Variants in RAP1A observed in about 807,000 individuals in gnomAD.
The protein encoded by RAP1A is RAP1A, member of RAS oncogene family, also known as ras-related protein Rap-1A.
Under a neutral mutation model 26.4 loss-of-function variants are expected in RAP1A, and 6 were observed. That is an observed-to-expected ratio of 0.23 (90% CI 0.12 to 0.45). The LOEUF (loss-of-function observed/expected upper bound fraction) is 0.45, where lower values mean the gene tolerates loss of function less well. Ranked by LOEUF, RAP1A falls within the 20% of genes least tolerant of loss-of-function variation. The pLI, the probability that RAP1A is intolerant of heterozygous loss-of-function variation, is 0.99. For missense variants in RAP1A, 121 were observed against 217.2 expected (o/e 0.56, Z 2.78); for synonymous variants, 73 against 79.4 (o/e 0.92, Z 0.43).
rs151281654 is a variant in RAP1A, at chr1:111,681,632, G to A, written c.-27-9702G>A. Among the ~76,000 whole-genome samples, 38 of 152,238 alleles carry A rather than the reference G, an allele frequency of 2.5e-4. 1 individual carries two copies. In the South Asian group the frequency reaches 5.6e-3, roughly 22 times the overall value. ...GAAGATCAACTTAATGAATTAAAGC[G>A]TGAAGACAAGATTAGAGAAAATAGA... On this transcript the variant is annotated intron_variant, in intron 1 of 7. Transcript: ENST00000369709.
At chr1:111,708,275 A>G (rs918138908) in intron 6 of RAP1A, among the ~76,000 whole-genome samples, 10 of 152,266 alleles carry the variant, frequency 6.6e-5, no homozygotes, top group Non-Finnish European at 1.2e-4. Context: ...TTAACATCAA[A>G]AAAAGGCAAA....
intron 1 of RAP1A, among the ~76,000 whole-genome samples, chr1:111,560,317 G>A (rs941497131): frequency 1.4e-4 from 22 of 151,986 alleles, no homozygotes; most frequent in African/African-American, 4.8e-4. Flanking sequence ...AGTGAGGGCA[G>A]AGGTAGATGG....
At chr1:111,669,850 G>A in intron 1 of RAP1A, among the ~76,000 whole-genome samples, 1 of 152,194 alleles carries the variant, frequency 6.6e-6, no homozygotes, top group East Asian at 1.9e-4. Context: ...AGTCTTCATA[G>A]TTAAATTTGC....
chr1:111,571,761 G>A (rs2101055533), intron 1 of RAP1A, among the ~76,000 whole-genome samples: 1 of 152,246 alleles, frequency 6.6e-6, no homozygotes, highest in African/African-American at 2.4e-5. Flanking sequence ...CTTTAGTTTG[G>A]GACAGGTCAT....
intron 1 of RAP1A, among the ~76,000 whole-genome samples, chr1:111,639,050 A>G (rs1337094168): frequency 1.3e-5 from 2 of 150,964 alleles, no homozygotes; most frequent in African/African-American, 2.4e-5. Flanking sequence ...ATTTCTGTCA[A>G]ATATGCCTTT....
intron 1 of RAP1A, among the ~76,000 whole-genome samples, chr1:111,544,108 C>T (rs6671851): frequency 0.012 from 1,863 of 152,300 alleles, 35 homozygotes; most frequent in African/African-American, 0.042. Flanking sequence ...CCTAAAATAG[C>T]AGGCTCCCTT....
intron 1 of RAP1A, among the ~76,000 whole-genome samples, chr1:111,542,703 T>G (rs999688614): frequency 8.5e-5 from 13 of 152,164 alleles, no homozygotes; most frequent in Non-Finnish European, 1.3e-4. Flanking sequence ...TTTGTTTTTT[T>G]TTTCTTTTTT....
chr1:111,635,924 A>G (rs1057506273), intron 1 of RAP1A, among the ~76,000 whole-genome samples: 1 of 152,102 alleles, frequency 6.6e-6, no homozygotes, highest in Non-Finnish European at 1.5e-5. Flanking sequence ...GGACTGGAAC[A>G]ATATCTTATG....
intron 1 of RAP1A, among the ~76,000 whole-genome samples, chr1:111,594,643 C>T (rs147372675): frequency 1.3e-5 from 2 of 151,442 alleles, no homozygotes; most frequent in African/African-American, 4.9e-5. Context: ...AAACAAAGAC[C>T]GAGACCAAAG....
chr1:111,651,461 GAT>G (rs1185150536), intron 1 of RAP1A, among the ~76,000 whole-genome samples: 1 of 147,480 alleles, frequency 6.8e-6, no homozygotes, highest in Non-Finnish European at 1.5e-5. Flanking sequence ...GCCTATGGGA[GAT>G]ATATATATAA....
rs1240946376 is a variant in RAP1A, at chr1:111,619,798, C to T, written c.-164C>T. ...TTCTGGAGGAGGCGCCGCCGCCGCT[C>T]CCGAGGCCCCTGCCGCCGCCGCTCC... On this transcript the variant is annotated 5_prime_UTR_variant, in exon 1 of 8. Transcript: ENST00000369709. The T allele has an allele frequency of 7.5e-6, 3 of 398,552 alleles. No individual in the cohort carries two copies. The highest frequency in any genetic ancestry group is 4.1e-5 in the African/African-American group (2 of 48,468). The allele number at this position is 398,552 out of a possible 1,614,324, so 24.7% of individuals were successfully genotyped here.
intron 1 of RAP1A, among the ~76,000 whole-genome samples, chr1:111,555,281 G>T (rs1353911723): frequency 7.1e-6 from 1 of 139,916 alleles, no homozygotes; most frequent in Non-Finnish European, 1.5e-5. Context: ...CACAAGAATT[G>T]CTTGAACCCA....
intron 1 of RAP1A, among the ~76,000 whole-genome samples, chr1:111,659,671 A>G (rs1036333253): frequency 9.9e-5 from 15 of 151,860 alleles, no homozygotes; most frequent in Admixed American, 1.3e-4. Flanking sequence ...TTTTCTATTC[A>G]TTGCCCTCCC....
intron 1 of RAP1A, among the ~76,000 whole-genome samples, chr1:111,549,817 C>A (rs1657189740): frequency 6.6e-6 from 1 of 151,982 alleles, no homozygotes; most frequent in East Asian, 1.9e-4. Context: ...CTCAGCTAAT[C>A]TTTTTTAAAT....
intron 1 of RAP1A, among the ~76,000 whole-genome samples, chr1:111,634,776 C>CT (rs538491749): frequency 4.7e-4 from 72 of 152,062 alleles, no homozygotes; most frequent in African/African-American, 1.6e-3. Context: ...TCCTGAGTAG[C>CT]TGGGATTACA....
At chr1:111,668,864 A>G (rs1009445951) in intron 1 of RAP1A, among the ~76,000 whole-genome samples, 2 of 151,788 alleles carry the variant, frequency 1.3e-5, no homozygotes, top group African/African-American at 4.8e-5. Flanking sequence ...TCCCATCTCT[A>G]CAAAAAAATA....
At chr1:111,558,801 G>A (rs559315118) in intron 1 of RAP1A, among the ~76,000 whole-genome samples, 1 of 152,208 alleles carries the variant, frequency 6.6e-6, no homozygotes. Context: ...CACCACCATT[G>A]TGACAGATTC....
At chr1:111,661,800 GA>G (rs11322950) in intron 1 of RAP1A, among the ~76,000 whole-genome samples, 28,449 of 102,764 alleles carry the variant, frequency 0.28, 2,776 homozygotes, top group Admixed American at 0.31. Context: ...CTCCGTCCCA[GA>G]AAAAAAAAAA....
intron 1 of RAP1A, chr1:111,648,771 C>T: frequency 3.2e-6 from 2 of 620,010 alleles, no homozygotes; most frequent in Non-Finnish European, 6.1e-6. Flanking sequence ...CTGCTGAGAC[C>T]AGTACTTGTC....
Sources: allele counts gnomAD v4.1 joint callset (sites outside exome capture counted in the v4.1 genomes callset), GRCh38; gene constraint gnomAD v4.1.1; transcripts MANE v1.5; gene names NCBI Gene and HGNC (gene_info 2026-07-23, HGNC 2026-07-21).